STK32B: variants seen among roughly 807,000 people sequenced by gnomAD.
STK32B encodes the protein serine/threonine-protein kinase 32B.
In STK32B, 43 loss-of-function variants were observed where a neutral mutation model predicts 52.6. The ratio of observed to expected loss-of-function variants is 0.82; its 90% CI spans 0.64 to 1.05. STK32B has a LOEUF of 1.05. STK32B is among the 50% of genes least tolerant of loss of function. The pLI, the probability that STK32B is intolerant of heterozygous loss-of-function variation, is 0.00. For synonymous variants in STK32B, 238 were observed against 204.3 expected (o/e 1.17, Z -1.41); for missense variants, 621 against 534.6 (o/e 1.16, Z -1.59).
chr4:5,419,855 A>T (rs1712476664), intron 6 of STK32B, among the ~76,000 whole-genome samples: 1 of 152,218 alleles, frequency 6.6e-6, no homozygotes, highest in African/African-American at 2.4e-5. Flanking sequence ...TCATGTCATT[A>T]ATCTTTGATT....
At chr4:5,336,290 C>T (rs1732690719) in intron 4 of STK32B, among the ~76,000 whole-genome samples, 4 of 151,742 alleles carry the variant, frequency 2.6e-5, no homozygotes, top group Admixed American at 2.6e-4. Context: ...ATTGTGCCAT[C>T]AAAGGTTTTC....
chr4:5,374,797 G>T (rs1462441927), intron 4 of STK32B, among the ~76,000 whole-genome samples: 2 of 151,130 alleles, frequency 1.3e-5, no homozygotes, highest in South Asian at 2.1e-4. Context: ...GAACACCAAC[G>T]TTCAAACCAC....
chr4:5,237,196 G>A lies in STK32B; in HGVS notation c.260+68746G>A, dbSNP rs994329199. Reference sequence around the variant, plus strand: ...GAAAAGGTTGGCTAGGCTGGGTCATGCACCCATCCCTGAGCCACTCCCTGT... The same window carrying A: ...GAAAAGGTTGGCTAGGCTGGGTCATACACCCATCCCTGAGCCACTCCCTGT... On this transcript the variant is annotated intron_variant, in intron 3 of 11. Transcript: ENST00000282908. Among the ~76,000 whole-genome samples, 4 of 152,302 alleles carry A rather than the reference G, an allele frequency of 2.6e-5. No homozygotes were observed. The East Asian group carries it at 5.8e-4, about 22-fold the overall frequency.
intron 4 of STK32B, among the ~76,000 whole-genome samples, chr4:5,345,994 ATTT>A: frequency 6.6e-6 from 1 of 152,040 alleles, no homozygotes; most frequent in South Asian, 2.1e-4. Flanking sequence ...TGGGAATATC[ATTT>A]GTGTTCCTAT....
intron 1 of STK32B, among the ~76,000 whole-genome samples, chr4:5,070,765 TC>T (rs1711719313): frequency 6.6e-6 from 1 of 152,206 alleles, no homozygotes; most frequent in Admixed American, 6.5e-5. Flanking sequence ...AGCAAGTTAT[TC>T]TGGTTGGAAC....
At chr4:5,409,193 C>A (rs1193686111) in intron 5 of STK32B, among the ~76,000 whole-genome samples, 1 of 152,078 alleles carries the variant, frequency 6.6e-6, no homozygotes, top group Non-Finnish European at 1.5e-5. Flanking sequence ...GAAATCTCGG[C>A]CAGAACCCTT....
chr4:5,377,761 T>C (rs1233149550), intron 4 of STK32B, among the ~76,000 whole-genome samples: 2 of 152,166 alleles, frequency 1.3e-5, no homozygotes, highest in Non-Finnish European at 2.9e-5. Context: ...GCTCACTCTC[T>C]CTTGCCAGCC....
At position 5,159,676 on chromosome 4, in the gene STK32B, TATATATATGA is replaced by T. The variant is rs1310321001; in HGVS notation, c.109-8594_109-8585del. ...GAATATATATATGAATGTATATGAATATATATATGAATATATATGAATATATATGAATATA... is the reference window on the plus strand; with the variant it reads ...GAATATATATATGAATGTATATGAATATATATATGAATATATATGAATATA... On this transcript the variant is annotated intron_variant, in intron 2 of 11. Coordinates refer to ENST00000282908, the MANE Select transcript of STK32B (RefSeq NM_018401.3). Among the ~76,000 whole-genome samples the T allele has an allele frequency of 3.3e-3, 195 of 58,580 alleles. 28 individuals are homozygous for T. Among genetic ancestry groups the T allele is most frequent in the Middle Eastern group, 0.016 (2 of 124 alleles). The allele number at this position is 58,580 out of a possible 152,430, so 38.4% of individuals were successfully genotyped here. A position where few individuals can be genotyped will look rare whatever the true frequency, so the allele number is the denominator to read the frequency against.
At chr4:5,025,129 C>T in the STK32B span, among the ~76,000 whole-genome samples, 1 of 152,032 alleles carries the variant, frequency 6.6e-6, no homozygotes, top group Non-Finnish European at 1.5e-5. Context: ...TCCTTGACAC[C>T]CTTCCCCCTT....
chr4:5,080,586 A>T (rs1712356944), intron 1 of STK32B, among the ~76,000 whole-genome samples: 1 of 152,114 alleles, frequency 6.6e-6, no homozygotes, highest in Admixed American at 6.5e-5. Flanking sequence ...TATTTATCTT[A>T]ATTGTCATTT....
At chr4:5,277,259 T>A (rs778561274) in intron 3 of STK32B, among the ~76,000 whole-genome samples, 10 of 152,234 alleles carry the variant, frequency 6.6e-5, no homozygotes, top group Non-Finnish European at 1.5e-4. Flanking sequence ...GCCTCCTTCA[T>A]CGGAATCATT....
intron 2 of STK32B, among the ~76,000 whole-genome samples, chr4:5,146,893 A>G (rs1039447820): frequency 2.0e-5 from 3 of 152,148 alleles, no homozygotes; most frequent in Non-Finnish European, 4.4e-5. Context: ...ATTGTTTTGG[A>G]TATTCTAGAT....
intron 2 of STK32B, among the ~76,000 whole-genome samples, chr4:5,146,860 C>T (rs1405568547): frequency 6.6e-6 from 1 of 152,020 alleles, no homozygotes; most frequent in African/African-American, 2.4e-5. Context: ...AGTATAAGTC[C>T]TCCACATTTA....
intron 3 of STK32B, among the ~76,000 whole-genome samples, chr4:5,278,987 A>C (rs74477923): frequency 0.023 from 3,513 of 152,222 alleles, 48 homozygotes; most frequent in Non-Finnish European, 0.036. Context: ...CTACCCCAAC[A>C]CTGACAATTA....
chr4:5,464,644 G>C (rs1717296505), intron 9 of STK32B, among the ~76,000 whole-genome samples: 1 of 152,180 alleles, frequency 6.6e-6, no homozygotes, highest in Admixed American at 6.5e-5. Context: ...ACCTGCCATT[G>C]TTCTGATAAC....
intron 3 of STK32B, among the ~76,000 whole-genome samples, chr4:5,195,725 A>G (rs769226241): frequency 6.6e-6 from 1 of 152,152 alleles, no homozygotes; most frequent in Non-Finnish European, 1.5e-5. Context: ...TGTGTTCTAG[A>G]TGATAATTCT....
At chr4:5,078,141 C>T (rs1253678835) in intron 1 of STK32B, among the ~76,000 whole-genome samples, 2 of 151,980 alleles carry the variant, frequency 1.3e-5, no homozygotes, top group African/African-American at 2.4e-5. Context: ...TCTTCTCTTG[C>T]CTCTTTTATA....
intron 11 of STK32B, among the ~76,000 whole-genome samples, chr4:5,485,516 T>C (rs1719086612): frequency 6.6e-6 from 1 of 152,210 alleles, no homozygotes; most frequent in South Asian, 2.1e-4. Flanking sequence ...TTTTAACTTC[T>C]TTGCCATGGG....
At chr4:5,297,962 C>G (rs990159190) in intron 3 of STK32B, among the ~76,000 whole-genome samples, 1 of 151,408 alleles carries the variant, frequency 6.6e-6, no homozygotes, top group African/African-American at 2.5e-5. Flanking sequence ...TTGGATGAGG[C>G]TTTTGCATGG....
Sources: gnomAD v4.1 joint callset for allele counts (sites outside exome capture counted in the v4.1 genomes callset) on GRCh38, gnomAD v4.1.1 for gene constraint, MANE v1.5 for transcripts, NCBI Gene and HGNC (gene_info 2026-07-23, HGNC 2026-07-21) for gene names.